Variants in P4HA2 observed in about 807,000 individuals in gnomAD.
The protein encoded by P4HA2 is prolyl 4-hydroxylase subunit alpha 2, also known as prolyl 4-hydroxylase subunit alpha-2.
In P4HA2, 46 loss-of-function variants were observed where a neutral mutation model predicts 76.9. The ratio of observed to expected loss-of-function variants is 0.60; its 90% CI spans 0.47 to 0.76. The LOEUF (loss-of-function observed/expected upper bound fraction) is 0.76, where lower values mean the gene tolerates loss of function less well. Among genes scored for constraint, P4HA2 ranks in the 30% least tolerant of loss-of-function variants. The pLI, the probability that P4HA2 is intolerant of heterozygous loss-of-function variation, is 0.00. For synonymous variants in P4HA2, 243 were observed against 254.0 expected (o/e 0.96, Z 0.41); for missense variants, 583 against 669.4 (o/e 0.87, Z 1.42).
In P4HA2 at chr5:132,209,270, C is replaced by A; in HGVS notation, c.771G>T (p.Glu257Asp). Reference protein sequence around the residue: ...LRYFEQLLEEEREKTLTNQTE... With the variant: ...LRYFEQLLEEDREKTLTNQTE... ...TCTGATTTGTTAACGTTTTTTCTCTCTCTTCCTCCAATAACTGCTCAAAGT... is the reference window on the plus strand; with the variant it reads ...TCTGATTTGTTAACGTTTTTTCTCTATCTTCCTCCAATAACTGCTCAAAGT... The change falls in exon 7 of 15, where the codon GAG (glutamate) becomes GAT (aspartate). Residue 257 changes from glutamate (E) to aspartate (D), a missense_variant. By Grantham distance (45) the Glu-to-Asp change is conservative. Coordinates refer to ENST00000360568, the MANE Select transcript of P4HA2 (RefSeq NM_001017974.2). The A allele has an allele frequency of 2.5e-6, 4 of 1,614,160 alleles. No homozygotes were observed. The highest frequency in any genetic ancestry group is 3.4e-6 in the Non-Finnish European group (4 of 1,180,004).
Position 132,198,942 on chromosome 5 carries a change from A to G in P4HA2, c.1252-10T>C. On this transcript the variant is annotated splice_polypyrimidine_tract_variant and intron_variant, in intron 10 of 14. Transcript: ENST00000360568. ...CTCCATAATTTGCAACCTGTGGGAA[A>G]TAACAGCATTAGACCTTGTAAGCAG... 6.3e-7 allele frequency: 1 copy of G among 1,597,554 alleles called. No individual in the cohort carries two copies. The highest frequency in any genetic ancestry group is 8.6e-7 in the Non-Finnish European group (1 of 1,164,888).
At chr5:132,203,913 C>A in intron 9 of P4HA2, 66 bp from the exon 10 acceptor site, 1 of 1,300,066 alleles carries the variant, frequency 7.7e-7, no homozygotes, top group Non-Finnish European at 1.1e-6. Context: ...GTCCTGAACT[C>A]TGTCCCCAGA....
intron 1 of P4HA2, among the ~76,000 whole-genome samples, chr5:132,223,862 C>T (rs1754977690): frequency 6.6e-6 from 1 of 152,182 alleles, no homozygotes; most frequent in South Asian, 2.1e-4. Context: ...AGAGTCAAAC[C>T]CAAAACACAC....
intron 12 of P4HA2, chr5:132,195,772 A>T (rs1750544631): frequency 2.1e-6 from 1 of 471,988 alleles, no homozygotes; most frequent in Non-Finnish European, 3.9e-6. Flanking sequence ...GTACTCAGAA[A>T]ATGCCTGTTC....
intron 11 of P4HA2, 94 bp downstream of exon 11, chr5:132,198,785 A>T: frequency 1.2e-6 from 1 of 847,156 alleles, no homozygotes. Flanking sequence ...GGGTGGGGGT[A>T]CTGATGTGGA....
chr5:132,198,228 C>T lies in P4HA2; in HGVS notation c.1365+93G>A, dbSNP rs200907354. ...CACGTAGTTTAAGAAAGTAGCCACA[C>T]GATTCCCCGTCCCTAAATGCTTGAA... On this transcript the variant is annotated intron_variant, in intron 12 of 14. Transcript: ENST00000360568. The T allele has an allele frequency of 3.8e-5, 61 of 1,614,048 alleles. No homozygotes were observed. The highest frequency in any genetic ancestry group is 2.5e-4 in the Admixed American group (15 of 60,012).
chr5:132,217,148 A>G, intron 4 of P4HA2, 49 bp downstream of exon 4: 1 of 1,577,462 alleles, frequency 6.3e-7, no homozygotes, highest in Non-Finnish European at 8.7e-7. Flanking sequence ...CCCAGGCATG[A>G]GCACACAAAC....
intron 8 of P4HA2, among the ~76,000 whole-genome samples, chr5:132,204,542 C>G (rs993606134): frequency 6.6e-6 from 1 of 152,202 alleles, no homozygotes; most frequent in African/African-American, 2.4e-5. Flanking sequence ...CCACCATTTT[C>G]AGACTGTGCC....
At chr5:132,209,380 T>C (rs1259971768) in intron 6 of P4HA2, 49 bp from the exon 7 acceptor site, 1 of 1,426,308 alleles carries the variant, frequency 7.0e-7, no homozygotes, top group African/African-American at 1.4e-5. Context: ...AAACATCTGT[T>C]AGGTCATTTA....
chr5:132,217,456 TC>T (rs1207040800), intron 3 of P4HA2, 108 bp from the exon 4 acceptor site: 13 of 1,032,726 alleles, frequency 1.3e-5, no homozygotes, highest in Non-Finnish European at 1.8e-5. Context: ...GGGGCCCTTT[TC>T]ATCAAGAGGC....
intron 9 of P4HA2, 102 bp from the exon 10 acceptor site, chr5:132,203,949 A>T: frequency 8.8e-7 from 1 of 1,137,868 alleles, no homozygotes; most frequent in Non-Finnish European, 1.3e-6. Context: ...AACAGGCAGT[A>T]CAGGATGCCT....
intron 4 of P4HA2, among the ~76,000 whole-genome samples, chr5:132,216,595 T>C (rs950345331): frequency 1.3e-5 from 2 of 152,188 alleles, no homozygotes; most frequent in East Asian, 1.9e-4. Context: ...ATTCACAGAA[T>C]TTTTTCTTCT....
chr5:132,209,180 C>T lies in P4HA2; in HGVS notation c.861G>A (p.Arg287=), dbSNP rs1014952802. The change falls in exon 7 of 15, where the codon AGG becomes AGA. Residue 287 remains arginine, a synonymous_variant. Coordinates refer to ENST00000360568, the MANE Select transcript of P4HA2 (RefSeq NM_001017974.2). ...YERPVDYLPE[R]DVYESLCRGE... ...CACGACAGAGGCTCTCGTAAACATC[C>T]CTCTCAGGCAGGTAGTCCACAGGCC... The T allele has an allele frequency of 1.2e-6, 2 of 1,613,984 alleles. No homozygotes were observed. The highest frequency in any genetic ancestry group is 4.5e-5 in the East Asian group (2 of 44,882).
chr5:132,208,340 AG>A (rs2126579842), intron 7 of P4HA2, among the ~76,000 whole-genome samples: 1 of 116,788 alleles, frequency 8.6e-6, no homozygotes, highest in Non-Finnish European at 1.8e-5. Flanking sequence ...AGAAAAAGGA[AG>A]GAAGAAAGGA....
intron 5 of P4HA2, among the ~76,000 whole-genome samples, chr5:132,211,767 A>G (rs1402846720): frequency 6.6e-6 from 1 of 152,194 alleles, no homozygotes; most frequent in Non-Finnish European, 1.5e-5. Flanking sequence ...TGGCCTCACT[A>G]GGGCGCCAAC....
chr5:132,190,452 GT>G lies in P4HA2; in HGVS notation c.*2557del, dbSNP rs1749808950. 6.6e-6 allele frequency among the ~76,000 whole-genome samples: 1 copy of G among 152,146 alleles called. No homozygotes were observed. Among genetic ancestry groups the G allele is most frequent in the African/African-American group, 2.4e-5 (1 of 41,438 alleles). On this transcript the variant is annotated 3_prime_UTR_variant, in exon 15 of 15. Transcript: ENST00000360568. ...GATAGCAATTGCCCTAGACCCAGTG[GT>G]TTTTTGCATGAGACAATTTTATATA...
chr5:132,211,008 G>A (rs535762505), intron 5 of P4HA2, among the ~76,000 whole-genome samples: 1 of 152,074 alleles, frequency 6.6e-6, no homozygotes, highest in South Asian at 2.1e-4. Flanking sequence ...TAAGGCCAGA[G>A]CTCCAGGGAG....
rs755201687 is a variant in P4HA2, at chr5:132,192,876, G to A, written c.*134C>T. 5.9e-6 allele frequency: 4 copies of A among 672,458 alleles called. No individual in the cohort carries two copies. The highest frequency in any genetic ancestry group is 5.1e-5 in the East Asian group (2 of 38,888). 41.7% of individuals were successfully genotyped at this position (672,458 alleles called of 1,614,324 possible). A position where few individuals can be genotyped will look rare whatever the true frequency, so the allele number is the denominator to read the frequency against. On this transcript the variant is annotated 3_prime_UTR_variant, in exon 15 of 15. Transcript: ENST00000360568. ...GTCACACAGGAGTCGCCCTAGTATGGTCTCCCTCTGCTCCAGACAAACATT... is the reference window on the plus strand; with the variant it reads ...GTCACACAGGAGTCGCCCTAGTATGATCTCCCTCTGCTCCAGACAAACATT...
chr5:132,215,561 T>TC (rs1307723138), intron 4 of P4HA2, among the ~76,000 whole-genome samples: 2 of 152,078 alleles, frequency 1.3e-5, no homozygotes, highest in Non-Finnish European at 2.9e-5. Flanking sequence ...CACCAATCCC[T>TC]CTCCAGAGGC....
Sources: allele counts gnomAD v4.1 joint callset (sites outside exome capture counted in the v4.1 genomes callset), GRCh38; gene constraint gnomAD v4.1.1; transcripts MANE v1.5; gene names NCBI Gene and HGNC (gene_info 2026-07-23, HGNC 2026-07-21).